FOXP2: variants seen among roughly 807,000 people sequenced by gnomAD.
FOXP2 encodes forkhead box P2, also known as forkhead box protein P2.
In FOXP2, 12 loss-of-function variants were observed where a neutral mutation model predicts 115.8. The ratio of observed to expected loss-of-function variants is 0.10; its 90% CI spans 0.07 to 0.17. The LOEUF is 0.17. FOXP2 is among the 10% of genes least tolerant of loss of function. The pLI is 1.00. For missense variants in FOXP2, 629 were observed against 843.5 expected (o/e 0.75, Z 3.15); for synonymous variants, 328 against 297.7 (o/e 1.10, Z -1.05).
intron 2 of FOXP2, among the ~76,000 whole-genome samples, chr7:114,351,778 G>A (rs1480186269): frequency 1.3e-5 from 2 of 152,004 alleles, no homozygotes; most frequent in African/African-American, 4.8e-5. Flanking sequence ...TTATGGAGAT[G>A]CTTGAAATTA....
intron 1 of FOXP2, among the ~76,000 whole-genome samples, chr7:114,120,698 A>ATGCGTG (rs1562970533): frequency 1.2e-3 from 174 of 149,428 alleles, no homozygotes; most frequent in African/African-American, 4.0e-3. Context: ...GTGTATATGT[A>ATGCGTG]TGTGTGTGTG....
intron 1 of FOXP2, among the ~76,000 whole-genome samples, chr7:114,196,319 TA>T (rs1256866662): frequency 6.6e-6 from 1 of 152,202 alleles, no homozygotes; most frequent in Non-Finnish European, 1.5e-5. Context: ...CTAAAAATTT[TA>T]AAAGGACCTT....
intron 1 of FOXP2, among the ~76,000 whole-genome samples, chr7:114,112,922 G>T (rs1194626047): frequency 6.6e-6 from 1 of 152,112 alleles, no homozygotes. Flanking sequence ...TCATCCGGTT[G>T]TCTTCATAAA....
At chr7:114,609,855 A>G (rs1423372289) in intron 3 of FOXP2, among the ~76,000 whole-genome samples, 1 of 152,138 alleles carries the variant, frequency 6.6e-6, no homozygotes, top group Admixed American at 6.5e-5. Flanking sequence ...AGCTTGATTT[A>G]CCTTCTATTT....
chr7:114,489,313 C>G (rs2129242592), intron 2 of FOXP2, among the ~76,000 whole-genome samples: 1 of 152,130 alleles, frequency 6.6e-6, no homozygotes, highest in East Asian at 1.9e-4. Flanking sequence ...AAACTAGACT[C>G]TAGCCTTGGA....
intron 3 of FOXP2, among the ~76,000 whole-genome samples, chr7:114,574,222 C>A (rs532589567): frequency 8.7e-4 from 132 of 151,774 alleles, no homozygotes; most frequent in African/African-American, 3.1e-3. Flanking sequence ...TATTTGGGCT[C>A]CTTCGATTGT....
At chr7:114,176,219 GTCT>G in intron 1 of FOXP2, among the ~76,000 whole-genome samples, 1 of 145,102 alleles carries the variant, frequency 6.9e-6, no homozygotes, top group Non-Finnish European at 1.5e-5. Context: ...GTCTTGTCTT[GTCT>G]TGTCTTGTCT....
At chr7:114,467,429 C>T (rs1010468232) in intron 2 of FOXP2, among the ~76,000 whole-genome samples, 6 of 152,112 alleles carry the variant, frequency 3.9e-5, no homozygotes, top group African/African-American at 1.4e-4. Context: ...TAAGAGAGAG[C>T]ATCGGAAGGA....
At chr7:114,503,849 A>G (rs1377179297) in intron 2 of FOXP2, among the ~76,000 whole-genome samples, 1 of 151,230 alleles carries the variant, frequency 6.6e-6, no homozygotes, top group Non-Finnish European at 1.5e-5. Flanking sequence ...TCTGTTTAGT[A>G]GCCTAATTTT....
At chr7:114,493,535 G>A (rs1019746706) in intron 2 of FOXP2, among the ~76,000 whole-genome samples, 2 of 152,064 alleles carry the variant, frequency 1.3e-5, no homozygotes, top group Admixed American at 1.3e-4. Context: ...TCCTAAATGT[G>A]CTCTAAAAAG....
intron 1 of FOXP2, among the ~76,000 whole-genome samples, chr7:114,195,720 T>C (rs1273945760): frequency 6.6e-6 from 1 of 152,188 alleles, no homozygotes; most frequent in Non-Finnish European, 1.5e-5. Flanking sequence ...AGGGTTATAT[T>C]GGTTTACATT....
chr7:114,539,649 C>T (rs1799561615), intron 3 of FOXP2, among the ~76,000 whole-genome samples: 1 of 151,896 alleles, frequency 6.6e-6, no homozygotes. Context: ...AAGAACATTT[C>T]TTAAAAGCAG....
intron 3 of FOXP2, among the ~76,000 whole-genome samples, chr7:114,547,681 C>A (rs1235501500): frequency 6.6e-6 from 1 of 152,092 alleles, no homozygotes; most frequent in Non-Finnish European, 1.5e-5. Context: ...ATTTCTCAAA[C>A]CCGGGAGGCG....
At chr7:114,471,521 A>G (rs1796043523) in intron 2 of FOXP2, among the ~76,000 whole-genome samples, 1 of 152,154 alleles carries the variant, frequency 6.6e-6, no homozygotes, top group African/African-American at 2.4e-5. Flanking sequence ...ATTCTCACTC[A>G]TATATAGGTG....
intron 1 of FOXP2, among the ~76,000 whole-genome samples, chr7:114,176,497 G>A (rs553578693): frequency 8.6e-5 from 13 of 151,326 alleles, no homozygotes; most frequent in East Asian, 3.9e-4. Flanking sequence ...GCACCACCAC[G>A]CCCGGCTAAT....
intron 2 of FOXP2, among the ~76,000 whole-genome samples, chr7:114,489,298 T>C (rs534432140): frequency 1.9e-4 from 29 of 152,276 alleles, no homozygotes; most frequent in Admixed American, 7.9e-4. Flanking sequence ...AGTTGGGTTT[T>C]TTTGAAACTA....
chr7:114,254,738 A>T (rs1363989730), intron 1 of FOXP2, among the ~76,000 whole-genome samples: 1 of 152,088 alleles, frequency 6.6e-6, no homozygotes, highest in Non-Finnish European at 1.5e-5. Context: ...ATGCATTCGA[A>T]TTTCCTCCTT....
At chr7:114,536,397 C>CTTTT (rs3997242) in intron 3 of FOXP2, among the ~76,000 whole-genome samples, 239 of 111,648 alleles carry the variant, frequency 2.1e-3, no homozygotes, top group East Asian at 4.9e-3. Flanking sequence ...TTTTTCTTTT[C>CTTTT]TTTTTTTTTT....
intron 3 of FOXP2, among the ~76,000 whole-genome samples, chr7:114,571,824 G>T (rs1160616465): frequency 1.3e-5 from 2 of 151,634 alleles, no homozygotes; most frequent in Non-Finnish European, 3.0e-5. Context: ...ATGGATTTTG[G>T]TATCTATGTG....
Sources: allele counts gnomAD v4.1 joint callset (sites outside exome capture counted in the v4.1 genomes callset), GRCh38; gene constraint gnomAD v4.1.1; transcripts MANE v1.5; gene names NCBI Gene and HGNC (gene_info 2026-07-23, HGNC 2026-07-21).